PRKCZ: variants seen among roughly 807,000 people sequenced by gnomAD.
The protein encoded by PRKCZ is protein kinase C zeta.
A neutral mutation model predicts 79.5 loss-of-function variants in PRKCZ; 33 were observed. The ratio of observed to expected loss-of-function variants is 0.41; its 90% CI spans 0.31 to 0.55. PRKCZ has a LOEUF of 0.55. Among genes scored for constraint, PRKCZ ranks in the 20% least tolerant of loss-of-function variants. The pLI is 0.19. For synonymous variants in PRKCZ, 342 were observed against 320.9 expected (o/e 1.07, Z -0.70); for missense variants, 578 against 813.5 (o/e 0.71, Z 3.52).
chr1:2,087,162 A>G (rs1392936157), intron 4 of PRKCZ, among the ~76,000 whole-genome samples: 1 of 152,048 alleles, frequency 6.6e-6, no homozygotes, highest in Non-Finnish European at 1.5e-5. Context: ...AGCTCACTGT[A>G]ACCACTGCCT....
chr1:2,102,550 T>C (rs1292034452), intron 4 of PRKCZ, among the ~76,000 whole-genome samples: 1 of 152,050 alleles, frequency 6.6e-6, no homozygotes, highest in Non-Finnish European at 1.5e-5. Context: ...GCCGGGATGG[T>C]CTCGATCTCC....
chr1:2,116,134 G>C (rs535958108), intron 4 of PRKCZ: 30 of 152,374 alleles, frequency 2.0e-4, no homozygotes, highest in Admixed American at 1.4e-3. Flanking sequence ...AGGGTCAGAG[G>C]GGCTGCGCGC....
chr1:2,121,776 A>G (rs868179602), intron 4 of PRKCZ, among the ~76,000 whole-genome samples: 8 of 21,824 alleles, frequency 3.7e-4, no homozygotes, highest in Admixed American at 7.6e-4. Context: ...GGTTAGGGTC[A>G]CGGTGGTGGT....
At chr1:2,137,555 A>G (rs148662107) in intron 5 of PRKCZ, among the ~76,000 whole-genome samples, 4 of 151,640 alleles carry the variant, frequency 2.6e-5, no homozygotes, top group African/African-American at 9.7e-5. Context: ...TGGCAGAGGA[A>G]CCACTCACCT....
chr1:2,180,368 T>TGTGGACGCACAGACGAC (rs1686330313), intron 16 of PRKCZ, among the ~76,000 whole-genome samples: 1 of 149,686 alleles, frequency 6.7e-6, no homozygotes, highest in Non-Finnish European at 1.5e-5. Flanking sequence ...ACCCAGACGA[T>TGTGGACGCACAGACGAC]GTGGACGCAC....
At position 2,129,118 on chromosome 1, in the gene PRKCZ, C is replaced by T. The variant is rs536417620; in HGVS notation, c.335-6144C>T. On this transcript the variant is annotated intron_variant, in intron 4 of 17. Coordinates refer to ENST00000378567, the MANE Select transcript of PRKCZ (RefSeq NM_002744.6). ...CAGAAAGGCAGAGTGGCTGCCGGCC[C>T]GCGTGTCCAGGCCCCTTACACTGAG... 3.2e-4 allele frequency among the ~76,000 whole-genome samples: 49 copies of T among 152,268 alleles called. No homozygotes were observed. In the South Asian group the frequency reaches 8.9e-3, roughly 28 times the overall value.
In PRKCZ at chr1:2,185,033, A is replaced by G. The variant is rs755735985; in HGVS notation, c.*24A>G. The G allele has an allele frequency of 1.3e-6, 2 of 1,586,922 alleles. No homozygotes were observed. Among genetic ancestry groups the G allele is most frequent in the African/African-American group, 1.3e-5 (1 of 74,484 alleles). ...GAGGCCGCGTGCGTCTCTGTCGTGG[A>G]CACGCGTGATTGACCCTTTAACTGT... On this transcript the variant is annotated 3_prime_UTR_variant, in exon 18 of 18. Coordinates refer to ENST00000378567, the MANE Select transcript of PRKCZ (RefSeq NM_002744.6).
Position 2,121,315 on chromosome 1 carries a change from G to A in PRKCZ, c.335-13947G>A, listed in dbSNP as rs182653917. Among the ~76,000 whole-genome samples the A allele has an allele frequency of 9.0e-4, 137 of 152,342 alleles. 1 individual carries two copies. Among genetic ancestry groups the A allele is most frequent in the Admixed American group, 1.7e-3 (26 of 15,304 alleles). On this transcript the variant is annotated intron_variant, in intron 4 of 17. Coordinates refer to ENST00000378567, the MANE Select transcript of PRKCZ (RefSeq NM_002744.6). ...CCTCCCTGGCTGTGGGCCAGCATAA[G>A]CGAACAAGGCGTGTACTTCCGGAAT...
At chr1:2,110,021 TC>T (rs1669406734) in intron 4 of PRKCZ, among the ~76,000 whole-genome samples, 1 of 152,118 alleles carries the variant, frequency 6.6e-6, no homozygotes. Context: ...GGCCATTTCA[TC>T]GGGGCCCTCC....
At chr1:2,179,252 G>T (rs1686073826) in intron 16 of PRKCZ, among the ~76,000 whole-genome samples, 1 of 152,206 alleles carries the variant, frequency 6.6e-6, no homozygotes, top group Non-Finnish European at 1.5e-5. Context: ...GTTTGGCTGT[G>T]GGAGCAAAGG....
chr1:2,144,202 A>T lies in PRKCZ; in HGVS notation c.421-8A>T. On this transcript the variant is annotated splice_region_variant and splice_polypyrimidine_tract_variant and intron_variant, in intron 5 of 17. Transcript: ENST00000378567. The stretch of plus-strand genomic sequence containing the variant: ...GGCCTGGGCCTGACGCTCTGTTCCC[A>T]CCTGCAGAGAGCGTACTGCGGTCAG... 1 of 1,551,464 alleles carries T rather than the reference A, an allele frequency of 6.4e-7. No individual in the cohort carries two copies. Among genetic ancestry groups the T allele is most frequent in the Non-Finnish European group, 8.7e-7 (1 of 1,146,904 alleles).
At chr1:2,121,318 A>G (rs114023262) in intron 4 of PRKCZ, among the ~76,000 whole-genome samples, 1,727 of 152,342 alleles carry the variant, frequency 0.011, 37 homozygotes, top group African/African-American at 0.037. Flanking sequence ...AGCATAAGCG[A>G]ACAAGGCGTG....
rs1450680194 is a variant in PRKCZ, at chr1:2,174,579, C to T, written c.1406-175C>T. On this transcript the variant is annotated intron_variant, in intron 14 of 17. Coordinates refer to ENST00000378567, the MANE Select transcript of PRKCZ (RefSeq NM_002744.6). The surrounding 1 kb of genome is among the most constrained non-coding windows in gnomAD (Gnocchi z 6.2). ...GTGCCAGCGCATGTAACCAGGAGGC[C>T]CAGGGAGGACCCGGCGGGACTCCGG... Among the ~76,000 whole-genome samples the T allele has an allele frequency of 6.6e-6, 1 of 152,218 alleles. No homozygotes were observed. The highest frequency in any genetic ancestry group is 1.5e-5 in the Non-Finnish European group (1 of 68,028).
intron 4 of PRKCZ, among the ~76,000 whole-genome samples, chr1:2,066,910 C>T (rs1441384716): frequency 6.6e-6 from 1 of 152,220 alleles, no homozygotes; most frequent in African/African-American, 2.4e-5. Context: ...AAAAGTTCAT[C>T]ACTATAAATT....
intron 16 of PRKCZ, among the ~76,000 whole-genome samples, chr1:2,176,300 CGT>C (rs1685489263): frequency 6.6e-6 from 1 of 152,018 alleles, no homozygotes; most frequent in Non-Finnish European, 1.5e-5. Context: ...TGTAGGCTGG[CGT>C]GTGTCTGTCA....
chr1:2,060,260 G>A (rs894069802), intron 4 of PRKCZ, among the ~76,000 whole-genome samples: 14 of 152,246 alleles, frequency 9.2e-5, no homozygotes, highest in East Asian at 3.9e-4. Flanking sequence ...CCTGTCCAGC[G>A]CAGGGCACGT....
At chr1:2,176,123 G>A (rs1292853216) in intron 16 of PRKCZ, among the ~76,000 whole-genome samples, 2 of 152,102 alleles carry the variant, frequency 1.3e-5, no homozygotes, top group Non-Finnish European at 2.9e-5. Context: ...GTGTGAGCAG[G>A]GTGCATTCGG....
At chr1:2,071,051 C>CATCTGGGCGTGTG in intron 4 of PRKCZ, among the ~76,000 whole-genome samples, 1 of 151,800 alleles carries the variant, frequency 6.6e-6, no homozygotes, top group South Asian at 2.1e-4. Context: ...GCAGCCAGTA[C>CATCTGGGCGTGTG]ACCTGGGCGT....
At chr1:2,092,528 G>A (rs906946793) in intron 4 of PRKCZ, among the ~76,000 whole-genome samples, 7 of 152,176 alleles carry the variant, frequency 4.6e-5, no homozygotes, top group East Asian at 1.9e-4. Flanking sequence ...AACCACCCTC[G>A]TTTTCTTAGC....
Sources: gnomAD v4.1 joint callset for allele counts (sites outside exome capture counted in the v4.1 genomes callset) on GRCh38, gnomAD v4.1.1 for gene constraint, Gnocchi (gnomAD v3.1) non-coding constraint, MANE v1.5 for transcripts, NCBI Gene and HGNC (gene_info 2026-07-23, HGNC 2026-07-21) for gene names.